TRIM2: variants seen among roughly 807,000 people sequenced by gnomAD.
TRIM2 encodes the protein tripartite motif containing 2, also known as tripartite motif-containing protein 2.
In TRIM2, 20 loss-of-function variants were observed where a neutral mutation model predicts 75.2. The ratio of observed to expected loss-of-function variants is 0.27; its 90% confidence interval spans 0.19 to 0.39. TRIM2 has a LOEUF of 0.39. Ranked by LOEUF, TRIM2 falls within the 10% of genes least tolerant of loss-of-function variation. The pLI is 1.00. For synonymous variants in TRIM2, 373 were observed against 388.3 expected (o/e 0.96, Z 0.46); for missense variants, 660 against 990.8 (o/e 0.67, Z 4.48).
At chr4:153,282,623 T>C (rs970748783) in intron 3 of TRIM2, among the ~76,000 whole-genome samples, 4 of 152,222 alleles carry the variant, frequency 2.6e-5, no homozygotes, top group Non-Finnish European at 5.9e-5. Context: ...TGTTTGTTTT[T>C]TTGTTTTGAG....
At chr4:153,299,149 C>T (rs1465584001) in intron 6 of TRIM2, among the ~76,000 whole-genome samples, 1 of 151,986 alleles carries the variant, frequency 6.6e-6, no homozygotes, top group Non-Finnish European at 1.5e-5. Context: ...GTCCTTTTAC[C>T]CCCACCCTCC....
chr4:153,241,405 C>A (rs1447299729), intron 1 of TRIM2, among the ~76,000 whole-genome samples: 1 of 152,214 alleles, frequency 6.6e-6, no homozygotes, highest in Non-Finnish European at 1.5e-5. Flanking sequence ...GGTCCTGCCC[C>A]CTCCCCGATG....
Position 153,247,693 on chromosome 4 carries a change from A to C in TRIM2, c.31-22642A>C, listed in dbSNP as rs549242645. ...ACTCTGTCTCAAAAAAAAAAAAAAA[A>C]AAAAAAAACTGTATAGGCATATCTC... On this transcript the variant is annotated intron_variant, in intron 1 of 11. Transcript: ENST00000338700. 4.0e-5 allele frequency among the ~76,000 whole-genome samples: 6 copies of C among 151,366 alleles called. No individual in the cohort carries two copies. In the East Asian group the frequency reaches 9.7e-4, roughly 24 times the overall value.
intron 1 of TRIM2, among the ~76,000 whole-genome samples, chr4:153,244,371 T>C (rs1384714484): frequency 7.5e-5 from 4 of 53,686 alleles, no homozygotes; most frequent in African/African-American, 4.8e-4. Flanking sequence ...TTCTTCTTCT[T>C]CTTCTTCTTC....
At chr4:153,288,490 C>CTTTG in intron 3 of TRIM2, among the ~76,000 whole-genome samples, 1 of 152,062 alleles carries the variant, frequency 6.6e-6, no homozygotes. Flanking sequence ...GATGAGTCAC[C>CTTTG]TCTGTCTTGC....
intron 11 of TRIM2, among the ~76,000 whole-genome samples, chr4:153,331,014 A>G (rs1269824704): frequency 6.6e-6 from 1 of 152,212 alleles, no homozygotes; most frequent in Non-Finnish European, 1.5e-5. Context: ...TGCAGAATAT[A>G]AGATCAACAT....
Position 153,155,635 on chromosome 4 carries a change from G to A in TRIM2, c.-49+2365G>A, listed in dbSNP as rs570336400. Reference sequence around the variant, plus strand: ...GCGAAAAAGTAAAATTAACCACCAAGAGGCGTCTAGAAGTGAACAATTTAT... The same window carrying A: ...GCGAAAAAGTAAAATTAACCACCAAAAGGCGTCTAGAAGTGAACAATTTAT... On this transcript the variant is annotated intron_variant, in intron 1 of 11. Coordinates refer to the TRIM2 transcript ENST00000437508. Among the ~76,000 whole-genome samples, 3 of 152,302 alleles carry A rather than the reference G, an allele frequency of 2.0e-5. No homozygotes were observed. In the South Asian group the frequency reaches 6.2e-4, roughly 32 times the overall value.
chr4:153,294,353 T>A lies in TRIM2; in HGVS notation c.654T>A (p.His218Gln). Residue 218 changes from histidine (H) to glutamine (Q), a missense_variant, in exon 5 of 12, where the codon CAT (histidine) becomes CAA (glutamine). Transcript: ENST00000338700. The part of the protein sequence containing the change: ...SALQFISEII[H>Q]QLTNQKASIV... ...TTCAGTTCATCTCTGAAATCATTCA[T>A]CAGTTAACCAACCAAAAGGCCAGCA... The A allele has an allele frequency of 6.2e-7, 1 of 1,614,192 alleles. No homozygotes were observed. Among genetic ancestry groups the A allele is most frequent in the Non-Finnish European group, 8.5e-7 (1 of 1,180,026 alleles).
chr4:153,214,905 G>A (rs569837973), intron 1 of TRIM2, among the ~76,000 whole-genome samples: 1 of 152,224 alleles, frequency 6.6e-6, no homozygotes, highest in Non-Finnish European at 1.5e-5. Flanking sequence ...TCAATGTTAA[G>A]CTATTAACAT....
chr4:153,294,810 CA>C (rs944422938), intron 5 of TRIM2, among the ~76,000 whole-genome samples: 13 of 152,242 alleles, frequency 8.5e-5, no homozygotes, highest in African/African-American at 3.1e-4. Context: ...TCACCCACAC[CA>C]ACCTGTTAGT....
intron 1 of TRIM2, among the ~76,000 whole-genome samples, chr4:153,227,276 G>T (rs1560844864): frequency 6.6e-6 from 1 of 152,206 alleles, no homozygotes; most frequent in Non-Finnish European, 1.5e-5. Flanking sequence ...CTTGTTCAGT[G>T]CACGGTTCTA....
At chr4:153,178,979 A>G (rs558798345) in intron 1 of TRIM2, among the ~76,000 whole-genome samples, 1 of 152,242 alleles carries the variant, frequency 6.6e-6, no homozygotes, top group Non-Finnish European at 1.5e-5. Flanking sequence ...TGAGCTCAGG[A>G]GTTTGAGACT....
intron 1 of TRIM2, among the ~76,000 whole-genome samples, chr4:153,254,458 G>A (rs1291791798): frequency 1.3e-5 from 2 of 152,212 alleles, no homozygotes; most frequent in African/African-American, 2.4e-5. Context: ...AATAAGGTGT[G>A]CAGTGGCTGT....
Position 153,337,924 on chromosome 4 carries a change from G to A in TRIM2, c.*2958G>A, listed in dbSNP as rs1283474513. The A allele has an allele frequency of 3.0e-6, 3 of 985,774 alleles. No homozygotes were observed. The highest frequency in any genetic ancestry group is 3.6e-6 in the Non-Finnish European group (3 of 829,930). 61.1% of individuals were successfully genotyped at this position (985,774 alleles called of 1,614,324 possible). On this transcript the variant is annotated 3_prime_UTR_variant, in exon 12 of 12. Transcript: ENST00000338700. Reference sequence around the variant, plus strand: ...CCCCCCAGCCCCCCTTGCTGGACATGGGGAGGCAGAGAGTCACTTGACCAT... The same window carrying A: ...CCCCCCAGCCCCCCTTGCTGGACATAGGGAGGCAGAGAGTCACTTGACCAT...
At chr4:153,267,222 G>A (rs933485214) in intron 1 of TRIM2, among the ~76,000 whole-genome samples, 1 of 152,108 alleles carries the variant, frequency 6.6e-6, no homozygotes, top group Non-Finnish European at 1.5e-5. Context: ...CTGTAGTGCA[G>A]CCTTTTTAAA....
intron 1 of TRIM2, among the ~76,000 whole-genome samples, chr4:153,269,717 A>G (rs1284228706): frequency 6.6e-6 from 1 of 152,114 alleles, no homozygotes; most frequent in African/African-American, 2.4e-5. Flanking sequence ...CCCCTTAGTT[A>G]CCACTGCTTT....
intron 1 of TRIM2, among the ~76,000 whole-genome samples, chr4:153,179,616 T>C (rs1386609827): frequency 1.3e-5 from 2 of 152,158 alleles, no homozygotes; most frequent in Non-Finnish European, 2.9e-5. Context: ...GGGTTCTGGG[T>C]ATTTCACAGA....
intron 1 of TRIM2, among the ~76,000 whole-genome samples, chr4:153,266,433 C>G (rs1388808097): frequency 6.7e-6 from 1 of 149,396 alleles, no homozygotes; most frequent in Non-Finnish European, 1.5e-5. Context: ...ACCTCTGTCT[C>G]CCAGGTTCAA....
chr4:153,153,532 G>A (rs1043859147), intron 1 of TRIM2, among the ~76,000 whole-genome samples: 3 of 152,224 alleles, frequency 2.0e-5, no homozygotes, highest in African/African-American at 7.2e-5. Flanking sequence ...ATGCTTTGGG[G>A]ATCCACACAC....
Sources: gnomAD v4.1 joint callset for allele counts (sites outside exome capture counted in the v4.1 genomes callset) on GRCh38, gnomAD v4.1.1 for gene constraint, MANE v1.5 for transcripts, NCBI Gene and HGNC (gene_info 2026-07-23, HGNC 2026-07-21) for gene names.